The following ADCYAP1R1 variants were observed in gnomAD, a reference collection of about 807,000 sequenced individuals.
ADCYAP1R1 encodes the protein ADCYAP receptor type I.
A neutral mutation model predicts 67.6 loss-of-function variants in ADCYAP1R1; 44 were observed. The observed-to-expected ratio is 0.65, with a 90% confidence interval of 0.51 to 0.84. ADCYAP1R1 has a LOEUF of 0.84. ADCYAP1R1 is among the 40% of genes least tolerant of loss of function. The probability of loss-of-function intolerance (pLI) is 0.00; values close to 1 mark genes in which losing one functional copy is unlikely to be tolerated. For synonymous variants in ADCYAP1R1, 222 were observed against 219.6 expected, an observed-to-expected ratio of 1.01 and a Z score of -0.10; for missense variants, 477 against 587.9, an observed-to-expected ratio of 0.81 and a Z score of 1.95.
intron 14 of ADCYAP1R1, among the ~76,000 whole-genome samples, chr7:31,104,460 T>C (rs1796557650): frequency 1.3e-5 from 2 of 152,160 alleles, no homozygotes; most frequent in African/African-American, 4.8e-5. Context: ...GGGGAGATGA[T>C]GGTGGACAAG....
intron 1 of ADCYAP1R1, among the ~76,000 whole-genome samples, chr7:31,061,261 C>T (rs1010504776): frequency 6.6e-6 from 1 of 152,244 alleles, no homozygotes; most frequent in Non-Finnish European, 1.5e-5. Flanking sequence ...TGGCCTCCAG[C>T]CTCTGTCACT....
chr7:31,061,282 A>T (rs1259192737), intron 1 of ADCYAP1R1, among the ~76,000 whole-genome samples: 1 of 151,864 alleles, frequency 6.6e-6, no homozygotes, highest in Non-Finnish European at 1.5e-5. Flanking sequence ...GGTGCCAGAC[A>T]CTCCTCCCTC....
Position 31,086,851 on chromosome 7 carries a change from G to A in ADCYAP1R1, c.824-92G>A. ...CCCAGGAATTCCAAGTCTCATGGGG[G>A]AGCAATAGCCTCTCGGAGCCCCAGG... On this transcript the variant is annotated intron_variant, in intron 10 of 15. Coordinates refer to ENST00000304166, the MANE Select transcript of ADCYAP1R1 (RefSeq NM_001118.5). This position sits in a 1 kb window ranked among gnomAD's most constrained non-coding sequence, Gnocchi z 5.0. 1.5e-6 allele frequency: 2 copies of A among 1,330,974 alleles called. No individual in the cohort carries two copies. The highest frequency in any genetic ancestry group is 2.4e-5 in the South Asian group (2 of 84,190). The allele number at this position is 1,330,974 out of a possible 1,614,324, so 82.4% of individuals were successfully genotyped here.
rs2067105923 is a variant in ADCYAP1R1, at chr7:31,106,709, C to T, written c.*25C>T. 2 of 1,578,036 alleles carry T rather than the reference C, an allele frequency of 1.3e-6. No individual in the cohort carries two copies. The highest frequency in any genetic ancestry group is 1.3e-5 in the African/African-American group (1 of 74,130). On this transcript the variant is annotated 3_prime_UTR_variant, in exon 16 of 16. Coordinates refer to ENST00000304166, the MANE Select transcript of ADCYAP1R1 (RefSeq NM_001118.5). ...AGCCATGCTCCCCTCCTCCTCCTCT[C>T]CTCCATCCACAGGCTGGGACCGCAG...
chr7:31,082,005 A>G (rs1236654545), intron 6 of ADCYAP1R1, among the ~76,000 whole-genome samples: 1 of 152,206 alleles, frequency 6.6e-6, no homozygotes, highest in African/African-American at 2.4e-5. Context: ...TCAAATAAAG[A>G]GCTCCTGGAT....
intron 3 of ADCYAP1R1, among the ~76,000 whole-genome samples, chr7:31,077,567 A>ATG (rs543382648): frequency 1.6e-5 from 2 of 126,216 alleles, no homozygotes; most frequent in Admixed American, 8.2e-5. Flanking sequence ...TGCATGTGTG[A>ATG]TGTGTGTGTG....
At position 31,103,307 on chromosome 7, in the gene ADCYAP1R1, C is replaced by G; in HGVS notation, c.1117C>G (p.Pro373Ala). ...CCACTACACAGTATTTGCCTTCTCC[C>G]CAGAGAATGTCAGCAAAAGGGAAAG... is the stretch of plus-strand genomic sequence containing the variant. ...GIHYTVFAFS[P>A]ENVSKRERLV... The change falls in exon 14 of 16, where the codon CCA becomes GCA. Residue 373 changes from proline to alanine, a missense_variant. By Grantham distance (27) the Pro-to-Ala change is conservative. Coordinates refer to ENST00000304166, the MANE Select transcript of ADCYAP1R1 (RefSeq NM_001118.5). 1 of 1,614,204 alleles carries G rather than the reference C, an allele frequency of 6.2e-7. No homozygotes were observed. The highest frequency in any genetic ancestry group is 8.5e-7 in the Non-Finnish European group (1 of 1,180,030).
At chr7:31,082,684 T>G (rs570658994) in intron 6 of ADCYAP1R1, among the ~76,000 whole-genome samples, 1 of 152,270 alleles carries the variant, frequency 6.6e-6, no homozygotes, top group Admixed American at 6.5e-5. Context: ...TGAGACAGAT[T>G]TGCTGGAAGA....
intron 3 of ADCYAP1R1, among the ~76,000 whole-genome samples, chr7:31,074,904 A>G (rs1795143332): frequency 6.6e-6 from 1 of 152,168 alleles, no homozygotes; most frequent in Non-Finnish European, 1.5e-5. Flanking sequence ...CTGTCTTTCC[A>G]TGAGCAGGAT....
chr7:31,106,843 T>A lies in ADCYAP1R1; in HGVS notation c.*159T>A. 3.5e-6 allele frequency: 3 copies of A among 853,220 alleles called. No homozygotes were observed. In the South Asian group the frequency reaches 5.6e-5, roughly 16 times the overall value. The allele number at this position is 853,220 out of a possible 1,614,324, so 52.9% of individuals were successfully genotyped here. On this transcript the variant is annotated 3_prime_UTR_variant, in exon 16 of 16. Transcript: ENST00000304166. ...GAAGGAGGCAGGGCACAGACTGGAA[T>A]TGTCCCCTCCTTGTTTTGGTACTGG...
At chr7:31,060,798 C>A (rs573959733) in intron 1 of ADCYAP1R1, among the ~76,000 whole-genome samples, 5 of 152,220 alleles carry the variant, frequency 3.3e-5, no homozygotes, top group East Asian at 3.8e-4. Flanking sequence ...CCGGCTCCCC[C>A]ACCCCACCAG....
In ADCYAP1R1 at chr7:31,110,676, A is replaced by T. The variant is rs896737204; in HGVS notation, c.*3992A>T. On this transcript the variant is annotated 3_prime_UTR_variant, in exon 16 of 16. Coordinates refer to ENST00000304166, the MANE Select transcript of ADCYAP1R1 (RefSeq NM_001118.5). ...GTCCAGGACTCTTGCAGGAGAAGCA[A>T]TGGAGTCAGTGTGGTGTGGGGAGAC... The T allele has an allele frequency of 6.5e-6, 1 of 152,790 alleles. No individual in the cohort carries two copies. The highest frequency in any genetic ancestry group is 1.5e-5 in the Non-Finnish European group (1 of 68,060). The allele number at this position is 152,790 out of a possible 1,614,324, so 9.5% of individuals were successfully genotyped here. A position where few individuals can be genotyped will look rare whatever the true frequency, so the allele number is the denominator to read the frequency against.
intron 1 of ADCYAP1R1, among the ~76,000 whole-genome samples, chr7:31,054,197 T>G (rs1483696264): frequency 6.6e-6 from 1 of 152,084 alleles, no homozygotes; most frequent in African/African-American, 2.4e-5. Flanking sequence ...CAAGTGTGTG[T>G]GGGGTGACGA....
intron 12 of ADCYAP1R1, among the ~76,000 whole-genome samples, chr7:31,089,346 G>A (rs1315665430): frequency 6.7e-6 from 1 of 149,496 alleles, no homozygotes; most frequent in East Asian, 2.0e-4. Flanking sequence ...CCCTTGTTTT[G>A]TAGGGATGAT....
At chr7:31,094,536 T>C (rs547257743) in intron 13 of ADCYAP1R1, among the ~76,000 whole-genome samples, 3 of 152,156 alleles carry the variant, frequency 2.0e-5, no homozygotes, top group Admixed American at 2.0e-4. Flanking sequence ...CCCTTCCTGG[T>C]AGGATTTGTT....
intron 3 of ADCYAP1R1, among the ~76,000 whole-genome samples, chr7:31,073,142 C>G (rs950032495): frequency 2.6e-5 from 4 of 152,188 alleles, no homozygotes; most frequent in Non-Finnish European, 5.9e-5. Flanking sequence ...TGCTTACAAA[C>G]TTACAGCAGC....
chr7:31,084,686 G>A (rs750999116), intron 7 of ADCYAP1R1, 51 bp from the exon 8 acceptor site: 1 of 1,500,808 alleles, frequency 6.7e-7, no homozygotes, highest in Non-Finnish European at 9.3e-7. Flanking sequence ...AGGCAGCCTG[G>A]CTGTGGGCAG....
At chr7:31,097,210 A>G (rs2267738) in intron 13 of ADCYAP1R1, among the ~76,000 whole-genome samples, 114,864 of 152,176 alleles carry the variant, frequency 0.75, 43,791 homozygotes, top group Non-Finnish European at 0.8. Context: ...CACTTTCTGA[A>G]TCAGGCTGCT....
At chr7:31,096,349 A>C (rs1288444043) in intron 13 of ADCYAP1R1, among the ~76,000 whole-genome samples, 1 of 152,148 alleles carries the variant, frequency 6.6e-6, no homozygotes, top group African/African-American at 2.4e-5. Flanking sequence ...AAGTGCGGCC[A>C]GGCAGCTTTC....
Sources: allele counts gnomAD v4.1 joint callset (sites outside exome capture counted in the v4.1 genomes callset), GRCh38; gene constraint gnomAD v4.1.1; non-coding constraint Gnocchi (gnomAD v3.1); transcripts MANE v1.5; gene names NCBI Gene and HGNC (gene_info 2026-07-23, HGNC 2026-07-21).